Variants in PCDH15 observed in about 807,000 individuals in gnomAD.
PCDH15 encodes protocadherin related 15.
Under a neutral mutation model 178.5 loss-of-function variants are expected in PCDH15, and 129 were observed. That is an observed-to-expected ratio of 0.72 (90% CI 0.63 to 0.84). The LOEUF is 0.84. Among genes scored for constraint, PCDH15 ranks in the 40% least tolerant of loss-of-function variants. The pLI is 0.00. For synonymous variants in PCDH15, 800 were observed against 732.0 expected (o/e 1.09, Z -1.50); for missense variants, 2,230 against 2,099.9 (o/e 1.06, Z -1.21).
intron 25 of PCDH15, among the ~76,000 whole-genome samples, chr10:53,935,817 G>T (rs1342364934): frequency 6.6e-6 from 1 of 151,898 alleles, no homozygotes. Context: ...ATTTGCTATG[G>T]AGACGTTTTT....
intron 2 of PCDH15, among the ~76,000 whole-genome samples, chr10:55,511,872 A>G (rs1332707275): frequency 6.6e-5 from 10 of 152,054 alleles, no homozygotes; most frequent in Admixed American, 3.9e-4. Flanking sequence ...AGCCAAATAA[A>G]TGCCACTCAT....
rs998554730 is a variant in PCDH15 at position 54,669,778 on chromosome 10, C to T, written c.-28-5488G>A. On this transcript the variant is annotated intron_variant, in intron 1 of 37. Transcript: ENST00000644397. ...TAAAATATGTGCTAATTTGGCCAGGCGCGGTGGATCACACCTGCAATCCTA... is the reference window on the plus strand; with the variant it reads ...TAAAATATGTGCTAATTTGGCCAGGTGCGGTGGATCACACCTGCAATCCTA... Among the ~76,000 whole-genome samples the T allele has an allele frequency of 3.3e-5, 5 of 150,872 alleles. No homozygotes were observed. In the South Asian group the frequency reaches 6.3e-4, roughly 19 times the overall value.
At chr10:54,763,383 G>A (rs1415738170) in intron 1 of PCDH15, among the ~76,000 whole-genome samples, 4 of 152,072 alleles carry the variant, frequency 2.6e-5, no homozygotes, top group African/African-American at 9.7e-5. Context: ...AATAAGGGTA[G>A]AATGTAATAC....
intron 1 of PCDH15, among the ~76,000 whole-genome samples, chr10:54,677,136 T>C (rs952944210): frequency 1.3e-5 from 2 of 151,498 alleles, no homozygotes; most frequent in Non-Finnish European, 2.9e-5. Flanking sequence ...CTTTGGGAGG[T>C]CAACATAAAA....
chr10:54,556,364 AC>A (rs950805883), intron 2 of PCDH15, among the ~76,000 whole-genome samples: 1 of 152,122 alleles, frequency 6.6e-6, no homozygotes, highest in South Asian at 2.1e-4. Flanking sequence ...ACACTGAAGG[AC>A]CTTGAATCTC....
At chr10:55,309,585 A>AT in intron 1 of PCDH15, among the ~76,000 whole-genome samples, 1 of 152,002 alleles carries the variant, frequency 6.6e-6, no homozygotes, top group African/African-American at 2.4e-5. Context: ...ACCTAATGAT[A>AT]TTTTTCAGGA....
chr10:54,665,615 G>T lies in PCDH15; in HGVS notation c.-28-1325C>A, dbSNP rs147771369. 5.4e-3 allele frequency among the ~76,000 whole-genome samples: 825 copies of T among 152,070 alleles called. 7 individuals are homozygous for T. Among genetic ancestry groups the T allele is most frequent in the African/African-American group, 0.016 (684 of 41,518 alleles). The stretch of plus-strand genomic sequence containing the variant: ...ATTGCATTGTAAAATTGTATTAAAG[G>T]TGTAAGCTCTTTTTTTAAACTAATG... On this transcript the variant is annotated intron_variant, in intron 1 of 37. Transcript: ENST00000644397.
At chr10:54,660,699 CA>C (rs2094476788) in intron 2 of PCDH15, among the ~76,000 whole-genome samples, 2 of 152,034 alleles carry the variant, frequency 1.3e-5, no homozygotes, top group Admixed American at 1.3e-4. Context: ...TGAATAGACA[CA>C]AAAATCTGCA....
intron 1 of PCDH15, among the ~76,000 whole-genome samples, chr10:55,171,670 AG>A (rs1839334485): frequency 6.6e-6 from 1 of 152,124 alleles, no homozygotes; most frequent in African/African-American, 2.4e-5. Context: ...TTATATAGTA[AG>A]TATTTTGGTA....
intron 3 of PCDH15, among the ~76,000 whole-genome samples, chr10:54,483,454 A>G (rs1490245973): frequency 2.0e-5 from 3 of 151,850 alleles, no homozygotes; most frequent in Non-Finnish European, 2.9e-5. Flanking sequence ...GTAGATTTTC[A>G]TTTTAGGAAT....
At chr10:55,169,248 T>C (rs1156435720) in intron 1 of PCDH15, among the ~76,000 whole-genome samples, 23 of 152,176 alleles carry the variant, frequency 1.5e-4, no homozygotes, top group Admixed American at 1.5e-3. Flanking sequence ...AAACTAGTAT[T>C]AAAATGTAGT....
At chr10:55,027,782 T>G (rs1840512315) in intron 2 of PCDH15, among the ~76,000 whole-genome samples, 1 of 151,842 alleles carries the variant, frequency 6.6e-6, no homozygotes. Context: ...AATTTGTCAT[T>G]TACCATAGCA....
intron 15 of PCDH15, among the ~76,000 whole-genome samples, chr10:54,118,428 A>C (rs972114584): frequency 2.6e-5 from 4 of 152,170 alleles, no homozygotes; most frequent in Admixed American, 2.0e-4. Flanking sequence ...TGAGAGGCCA[A>C]GGAGGGCGGA....
chr10:54,092,113 A>C (rs116195989), intron 15 of PCDH15, among the ~76,000 whole-genome samples: 1 of 152,186 alleles, frequency 6.6e-6, no homozygotes, highest in Admixed American at 6.6e-5. Flanking sequence ...TCACTGCTTC[A>C]TCATCTCAGT....
intron 3 of PCDH15, among the ~76,000 whole-genome samples, chr10:54,872,740 A>G (rs992610671): frequency 5.3e-5 from 8 of 152,120 alleles, no homozygotes; most frequent in African/African-American, 1.9e-4. Context: ...GGGAGCCACG[A>G]AGTGTCTGTA....
chr10:54,518,852 G>A (rs7478636), intron 3 of PCDH15, among the ~76,000 whole-genome samples: 29,762 of 152,106 alleles, frequency 0.2, 3,590 homozygotes, highest in Admixed American at 0.33. Flanking sequence ...ACATCAAAAA[G>A]CTTATGCACC....
intron 1 of PCDH15, among the ~76,000 whole-genome samples, chr10:54,665,206 G>A (rs1407136966): frequency 6.6e-6 from 1 of 151,900 alleles, no homozygotes; most frequent in Non-Finnish European, 1.5e-5. Flanking sequence ...GATAAACTGT[G>A]CAATGCAAGG....
intron 2 of PCDH15, among the ~76,000 whole-genome samples, chr10:55,026,272 C>T (rs1463861109): frequency 6.6e-6 from 1 of 151,922 alleles, no homozygotes; most frequent in Non-Finnish European, 1.5e-5. Flanking sequence ...ATGATAATGA[C>T]ATTAGGTACC....
rs61854141 is a variant in PCDH15 at position 54,796,270 on chromosome 10, C to G, written c.-29+4655G>C. Among the ~76,000 whole-genome samples, 527 of 80,210 alleles carry G rather than the reference C, an allele frequency of 6.6e-3. 3 individuals carry two copies. The highest frequency in any genetic ancestry group is 0.027 in the East Asian group (82 of 3,012). The allele number at this position is 80,210 out of a possible 152,430, so 52.6% of individuals were successfully genotyped here. ...TCTATCTATCTATCTATCTATCTAT[C>G]TATGTATCTATGTATCTATCTATCT... On this transcript the variant is annotated intron_variant, in intron 1 of 37. Transcript: ENST00000644397.
Sources: allele counts gnomAD v4.1 joint callset (sites outside exome capture counted in the v4.1 genomes callset), GRCh38; gene constraint gnomAD v4.1.1; transcripts MANE v1.5; gene names NCBI Gene and HGNC (gene_info 2026-07-23, HGNC 2026-07-21).